UBE2G1: variants seen among roughly 807,000 people sequenced by gnomAD.
UBE2G1 encodes the protein ubiquitin-conjugating enzyme E2 G1.
A neutral mutation model predicts 22.7 loss-of-function variants in UBE2G1; 5 were observed. The ratio of observed to expected loss-of-function variants is 0.22; its 90% CI spans 0.12 to 0.46. The LOEUF is 0.46. UBE2G1 is among the 20% of genes least tolerant of loss of function. The pLI is 0.99. For synonymous variants in UBE2G1, 74 were observed against 67.5 expected (o/e 1.10, Z -0.47); for missense variants, 88 against 203.9 (o/e 0.43, Z 3.46).
intron 1 of UBE2G1, chr17:4,364,591 C>CA (rs1970010908): frequency 8.2e-6 from 1 of 121,658 alleles, no homozygotes; most frequent in Non-Finnish European, 1.7e-5. Flanking sequence ...CCCGGCCCTT[C>CA]TTTTTTTTGA....
chr17:4,350,419 A>C (rs994856794), intron 1 of UBE2G1, among the ~76,000 whole-genome samples: 13 of 152,104 alleles, frequency 8.5e-5, no homozygotes, highest in African/African-American at 3.1e-4. Flanking sequence ...AGATTGTGCC[A>C]CTGCACTCCA....
chr17:4,311,618 G>A (rs531983331), intron 1 of UBE2G1, among the ~76,000 whole-genome samples: 39 of 152,300 alleles, frequency 2.6e-4, no homozygotes, highest in African/African-American at 8.7e-4. Flanking sequence ...ATTAGACAAT[G>A]AGGGAAGGGA....
At chr17:4,287,182 C>T (rs1029313457) in intron 4 of UBE2G1, among the ~76,000 whole-genome samples, 4 of 149,528 alleles carry the variant, frequency 2.7e-5, no homozygotes, top group African/African-American at 9.9e-5. Context: ...GGGCTCACTG[C>T]AAGCACTGCC....
intron 3 of UBE2G1, among the ~76,000 whole-genome samples, chr17:4,290,467 T>C (rs1270101909): frequency 6.6e-6 from 1 of 152,136 alleles, no homozygotes; most frequent in Non-Finnish European, 1.5e-5. Flanking sequence ...TGGTGTTGTC[T>C]GTTGTTGCTG....
intron 5 of UBE2G1, among the ~76,000 whole-genome samples, chr17:4,282,101 G>C (rs1968900074): frequency 6.6e-6 from 1 of 152,082 alleles, no homozygotes. Flanking sequence ...GTTTTTTTCT[G>C]AGATAGAGTC....
chr17:4,304,781 C>T (rs1969228951), intron 2 of UBE2G1, among the ~76,000 whole-genome samples: 1 of 152,052 alleles, frequency 6.6e-6, no homozygotes, highest in Non-Finnish European at 1.5e-5. Context: ...TAACACCCCT[C>T]CCCCCAGCAC....
intron 1 of UBE2G1, among the ~76,000 whole-genome samples, chr17:4,333,958 T>A (rs1256016871): frequency 6.7e-6 from 1 of 148,996 alleles, no homozygotes; most frequent in Non-Finnish European, 1.5e-5. Flanking sequence ...TTATCACTGA[T>A]CACCTTCATT....
chr17:4,324,282 T>C (rs573091185), intron 1 of UBE2G1, among the ~76,000 whole-genome samples: 49 of 152,340 alleles, frequency 3.2e-4, no homozygotes, highest in Middle Eastern at 3.4e-3. Context: ...CGCATGTGGC[T>C]ACTGAGCACC....
chr17:4,366,208 G>A (rs1970033256), intron 1 of UBE2G1, 63 bp downstream of exon 1: 1 of 1,476,286 alleles, frequency 6.8e-7, no homozygotes, highest in African/African-American at 1.5e-5. Context: ...AGGAGAAGAG[G>A]GACTGGGCTG....
chr17:4,319,024 G>C (rs748753222), intron 1 of UBE2G1, among the ~76,000 whole-genome samples: 4 of 152,026 alleles, frequency 2.6e-5, no homozygotes, highest in Non-Finnish European at 5.9e-5. Context: ...AACAAATCAT[G>C]GTCATAACTT....
intron 1 of UBE2G1, among the ~76,000 whole-genome samples, chr17:4,361,712 G>T (rs1969969247): frequency 6.6e-6 from 1 of 151,824 alleles, no homozygotes; most frequent in East Asian, 1.9e-4. Context: ...GCTGAGGCGG[G>T]TGAATCACCT....
intron 5 of UBE2G1, among the ~76,000 whole-genome samples, chr17:4,280,193 A>G (rs1968870306): frequency 6.6e-6 from 1 of 151,608 alleles, no homozygotes; most frequent in East Asian, 1.9e-4. Context: ...GCACCACTGC[A>G]CATGGCTAAT....
chr17:4,323,054 T>C (rs1838571785), intron 1 of UBE2G1, among the ~76,000 whole-genome samples: 1 of 152,232 alleles, frequency 6.6e-6, no homozygotes, highest in South Asian at 2.1e-4. Flanking sequence ...TAGCTTCTGC[T>C]GATAGCGAGA....
chr17:4,361,890 G>A (rs1166850685), intron 1 of UBE2G1, among the ~76,000 whole-genome samples: 2 of 150,146 alleles, frequency 1.3e-5, no homozygotes, highest in African/African-American at 2.5e-5. Context: ...TGCACTTAGC[G>A]GAGATCGTGC....
chr17:4,333,665 C>CA (rs1285403673), intron 1 of UBE2G1, among the ~76,000 whole-genome samples: 2 of 151,992 alleles, frequency 1.3e-5, no homozygotes, highest in East Asian at 1.9e-4. Flanking sequence ...ACTAAAAATA[C>CA]AAAAAATTAG....
At chr17:4,322,689 T>C (rs1969455362) in intron 1 of UBE2G1, among the ~76,000 whole-genome samples, 1 of 152,148 alleles carries the variant, frequency 6.6e-6, no homozygotes, top group East Asian at 1.9e-4. Flanking sequence ...AAATTGGAAG[T>C]AATGCATTTA....
chr17:4,282,656 T>C, intron 5 of UBE2G1, 142 bp downstream of exon 5: 1 of 581,424 alleles, frequency 1.7e-6, no homozygotes, highest in Non-Finnish European at 3.0e-6. Context: ...TACAGTAGTT[T>C]TGAGAACGAG....
intron 1 of UBE2G1, among the ~76,000 whole-genome samples, chr17:4,360,907 C>T (rs934495570): frequency 2.6e-5 from 4 of 151,028 alleles, no homozygotes; most frequent in South Asian, 2.1e-4. Context: ...AGTGAAGCTC[C>T]GTCTCAAAAA....
chr17:4,354,691 T>C (rs528717028), intron 1 of UBE2G1, among the ~76,000 whole-genome samples: 11 of 152,250 alleles, frequency 7.2e-5, no homozygotes, highest in Middle Eastern at 3.4e-3. Context: ...ATTTGACACA[T>C]GGTTCAAGGT....
Sources: gnomAD v4.1 joint callset for allele counts (sites outside exome capture counted in the v4.1 genomes callset) on GRCh38, gnomAD v4.1.1 for gene constraint, MANE v1.5 for transcripts, NCBI Gene and HGNC (gene_info 2026-07-23, HGNC 2026-07-21) for gene names.